Variants in CLEC16A observed in about 807,000 individuals in gnomAD.
The protein encoded by CLEC16A is protein CLEC16A.
A neutral mutation model predicts 109.5 loss-of-function variants in CLEC16A; 51 were observed. The ratio of observed to expected loss-of-function variants is 0.47; its 90% confidence interval spans 0.37 to 0.59. The LOEUF (loss-of-function observed/expected upper bound fraction) is 0.59. CLEC16A is among the 20% of genes least tolerant of loss of function. CLEC16A has a pLI of 0.00. For synonymous variants in CLEC16A, 673 were observed against 564.2 expected (o/e 1.19, Z -2.73); for missense variants, 1,339 against 1,394.0 (o/e 0.96, Z 0.63).
At chr16:10,982,394 C>T (rs1295632089) in intron 9 of CLEC16A, among the ~76,000 whole-genome samples, 2 of 152,210 alleles carry the variant, frequency 1.3e-5, no homozygotes, top group Admixed American at 6.5e-5. Flanking sequence ...AGCTCCCTCC[C>T]GTGATGGAAT....
At chr16:11,056,927 G>A (rs979921740) in intron 18 of CLEC16A, 2 of 152,078 alleles carry the variant, frequency 1.3e-5, no homozygotes, top group African/African-American at 4.8e-5. Flanking sequence ...GTTTAAATAA[G>A]TCTCATTTCT....
chr16:11,013,592 C>G (rs2045567643), intron 11 of CLEC16A, among the ~76,000 whole-genome samples: 1 of 151,992 alleles, frequency 6.6e-6, no homozygotes, highest in South Asian at 2.1e-4. Context: ...TGGTGGAGCC[C>G]TGAAAATACA....
In CLEC16A at chr16:10,954,504, C is replaced by T. The variant is rs1164305357; in HGVS notation, c.81-3278C>T. Among the ~76,000 whole-genome samples the T allele has an allele frequency of 6.6e-6, 1 of 152,212 alleles. No individual in the cohort carries two copies. The highest frequency in any genetic ancestry group is 1.5e-5 in the Non-Finnish European group (1 of 68,038). ...ACATAGTAACTGCCAAGTTAGTTATCTGTTATCTCCCAACACCACCAAAAT... is the reference window on the plus strand; with the variant it reads ...ACATAGTAACTGCCAAGTTAGTTATTTGTTATCTCCCAACACCACCAAAAT... On this transcript the variant is annotated intron_variant, in intron 1 of 23. Transcript: ENST00000409790. This position sits in a 1 kb window ranked among gnomAD's most constrained non-coding sequence, Gnocchi z 4.2.
At position 11,132,804 on chromosome 16, in the gene CLEC16A, AAGT is replaced by A. The variant is rs1313949300; in HGVS notation, c.2641+6662_2641+6664del. Reference sequence around the variant, plus strand: ...TTGACAGTGCTCATGGATGCCTATGAAGTAGTTGCTCAGTGAATACCGATGTGT... The same window carrying A: ...TTGACAGTGCTCATGGATGCCTATGAAGTTGCTCAGTGAATACCGATGTGT... On this transcript the variant is annotated intron_variant, in intron 22 of 23. Transcript: ENST00000409790. Among the ~76,000 whole-genome samples the A allele has an allele frequency of 2.6e-5, 4 of 152,246 alleles. No individual in the cohort carries two copies. In the South Asian group the frequency reaches 6.2e-4, roughly 24 times the overall value.
At chr16:11,124,811 G>A (rs141437501) in intron 21 of CLEC16A, among the ~76,000 whole-genome samples, 3 of 152,308 alleles carry the variant, frequency 2.0e-5, no homozygotes, top group Middle Eastern at 6.8e-3. Context: ...CCTTGACCAG[G>A]CACGGTGGTT....
At chr16:11,095,371 C>G (rs912412960) in intron 19 of CLEC16A, among the ~76,000 whole-genome samples, 2 of 152,162 alleles carry the variant, frequency 1.3e-5, no homozygotes, top group Non-Finnish European at 2.9e-5. Flanking sequence ...GGGCTCCCCC[C>G]ACCTCCCCAT....
chr16:11,012,269 A>G (rs768424700), intron 11 of CLEC16A, among the ~76,000 whole-genome samples: 5 of 152,240 alleles, frequency 3.3e-5, no homozygotes, highest in Non-Finnish European at 7.3e-5. Context: ...AGCATTAAAC[A>G]TTGAAATAAA....
intron 5 of CLEC16A, among the ~76,000 whole-genome samples, chr16:10,972,314 C>G (rs2042830244): frequency 6.6e-6 from 1 of 152,240 alleles, no homozygotes; most frequent in Non-Finnish European, 1.5e-5. Flanking sequence ...GGACCTCTGG[C>G]AACTAGCCAA....
intron 7 of CLEC16A, among the ~76,000 whole-genome samples, chr16:10,974,726 G>A (rs968494752): frequency 9.9e-5 from 15 of 152,232 alleles, no homozygotes; most frequent in African/African-American, 2.9e-4. Context: ...AATTGGGAAA[G>A]CTAGAAGCCT....
chr16:11,162,999 C>T (rs1046585347), intron 22 of CLEC16A, among the ~76,000 whole-genome samples: 3 of 152,204 alleles, frequency 2.0e-5, no homozygotes, highest in African/African-American at 7.2e-5. Context: ...TGGAGAGGAT[C>T]TCAGGGAGGC....
intron 19 of CLEC16A, among the ~76,000 whole-genome samples, chr16:11,115,892 A>T (rs1480285259): frequency 6.6e-6 from 1 of 151,344 alleles, no homozygotes; most frequent in Non-Finnish European, 1.5e-5. Context: ...TATATTATAA[A>T]TTTTTTTAAA....
intron 23 of CLEC16A, among the ~76,000 whole-genome samples, chr16:11,169,162 C>T (rs1386290822): frequency 6.6e-6 from 1 of 152,190 alleles, no homozygotes; most frequent in African/African-American, 2.4e-5. Flanking sequence ...AGAGGCGATC[C>T]CGTCTCTGTG....
chr16:11,072,206 C>T (rs749477181), intron 19 of CLEC16A, among the ~76,000 whole-genome samples: 1 of 152,086 alleles, frequency 6.6e-6, no homozygotes, highest in Non-Finnish European at 1.5e-5. Context: ...ACTGCAGCCT[C>T]GAACTCCTGG....
chr16:11,018,661 A>G (rs1403743647), intron 11 of CLEC16A, among the ~76,000 whole-genome samples: 2 of 149,952 alleles, frequency 1.3e-5, no homozygotes, highest in Non-Finnish European at 3.0e-5. Context: ...AGGCAGGAGA[A>G]TGGTGTGAAC....
chr16:11,123,791 C>G lies in CLEC16A; in HGVS notation c.2318C>G (p.Thr773Ser). The change falls in exon 21 of 24, where the codon ACC becomes AGC. Residue 773 changes from threonine to serine, a missense_variant. By Grantham distance (58) the Thr-to-Ser change is moderately conservative. Coordinates refer to ENST00000409790, the MANE Select transcript of CLEC16A (RefSeq NM_015226.3). The part of the protein sequence containing the change: ...VEDDSRALNI[T>S]IHKPASSPHS... ...GACGACAGCCGTGCCCTGAACATCA[C>G]CATCCACAAGCCTGCGTCCAGCCCC... The G allele has an allele frequency of 6.2e-7, 1 of 1,614,082 alleles. No homozygotes were observed. The highest frequency in any genetic ancestry group is 1.1e-5 in the South Asian group (1 of 91,092).
chr16:10,999,936 G>A (rs914192455), intron 10 of CLEC16A, among the ~76,000 whole-genome samples: 2 of 152,074 alleles, frequency 1.3e-5, no homozygotes, highest in Non-Finnish European at 2.9e-5. Flanking sequence ...TCCCAGGTTC[G>A]ATCGATTCTC....
At chr16:11,158,471 C>G (rs569759654) in intron 22 of CLEC16A, among the ~76,000 whole-genome samples, 1 of 152,304 alleles carries the variant, frequency 6.6e-6, no homozygotes, top group African/African-American at 2.4e-5. Flanking sequence ...AATCTTAGAG[C>G]TTTTTCCTAA....
At chr16:11,017,488 T>TACGCGAAG (rs1391671592) in intron 11 of CLEC16A, among the ~76,000 whole-genome samples, 1 of 152,202 alleles carries the variant, frequency 6.6e-6, no homozygotes, top group Non-Finnish European at 1.5e-5. Context: ...TTTATGGAGA[T>TACGCGAAG]ACGCGAAGAC....
chr16:11,055,866 G>A (rs920898639), intron 18 of CLEC16A, among the ~76,000 whole-genome samples: 1 of 152,094 alleles, frequency 6.6e-6, no homozygotes, highest in African/African-American at 2.4e-5. Flanking sequence ...TGGGATTACA[G>A]GCGTGAGCCA....
Sources: gnomAD v4.1 joint callset for allele counts (sites outside exome capture counted in the v4.1 genomes callset) on GRCh38, gnomAD v4.1.1 for gene constraint, Gnocchi (gnomAD v3.1) non-coding constraint, MANE v1.5 for transcripts, NCBI Gene and HGNC (gene_info 2026-07-23, HGNC 2026-07-21) for gene names.